The following CTNNA3 variants were observed in gnomAD, a reference collection of about 807,000 sequenced individuals.
CTNNA3 encodes the protein catenin alpha 3.
A neutral mutation model predicts 95.7 loss-of-function variants in CTNNA3; 76 were observed. The observed-to-expected ratio is 0.79, with a 90% CI of 0.66 to 0.96. The LOEUF (loss-of-function observed/expected upper bound fraction) is 0.96, where lower values mean the gene tolerates loss of function less well. Among genes scored for constraint, CTNNA3 ranks in the 40% least tolerant of loss-of-function variants. CTNNA3 has a pLI of 0.00. For synonymous variants in CTNNA3, 431 were observed against 374.4 expected (o/e 1.15, Z -1.74); for missense variants, 1,191 against 1,089.8 (o/e 1.09, Z -1.31).
At chr10:66,113,621 T>A (rs1256449504) in intron 13 of CTNNA3, among the ~76,000 whole-genome samples, 1 of 152,198 alleles carries the variant, frequency 6.6e-6, no homozygotes, top group East Asian at 1.9e-4. Context: ...ATTGGACTAA[T>A]TATTTATAAA....
intron 6 of CTNNA3, among the ~76,000 whole-genome samples, chr10:67,185,943 CG>C (rs1862822936): frequency 6.6e-6 from 1 of 150,564 alleles, no homozygotes; most frequent in African/African-American, 2.4e-5. Flanking sequence ...TTGCTTGAAC[CG>C]GGACCCAGGA....
At chr10:66,707,957 T>C (rs1316557951) in intron 9 of CTNNA3, among the ~76,000 whole-genome samples, 2 of 152,190 alleles carry the variant, frequency 1.3e-5, no homozygotes, top group South Asian at 2.1e-4. Flanking sequence ...TCAGTCATAA[T>C]TGGTAGGAAA....
chr10:66,983,246 A>G (rs1368103989), intron 7 of CTNNA3, among the ~76,000 whole-genome samples: 1 of 152,102 alleles, frequency 6.6e-6, no homozygotes, highest in African/African-American at 2.4e-5. Flanking sequence ...ATTTCATTCC[A>G]TCCTAGCCCC....
intron 3 of CTNNA3, among the ~76,000 whole-genome samples, chr10:67,602,274 C>A (rs1843107537): frequency 6.6e-6 from 1 of 151,760 alleles, no homozygotes; most frequent in Non-Finnish European, 1.5e-5. Context: ...AGAATCCATT[C>A]TTCTTATACT....
intron 10 of CTNNA3, among the ~76,000 whole-genome samples, chr10:66,618,405 T>C (rs10822853): frequency 0.76 from 115,223 of 151,706 alleles, 44,846 homozygotes; most frequent in African/African-American, 0.91. Context: ...GAAATAACGC[T>C]GCATATCTAT....
chr10:67,556,057 T>A (rs183237688), intron 3 of CTNNA3, among the ~76,000 whole-genome samples: 222 of 152,362 alleles, frequency 1.5e-3, no homozygotes, highest in African/African-American at 5.1e-3. Context: ...GGATTACATT[T>A]ATTGATTTGT....
chr10:65,983,467 T>A (rs1316865598), intron 16 of CTNNA3, among the ~76,000 whole-genome samples: 2 of 151,552 alleles, frequency 1.3e-5, no homozygotes, highest in African/African-American at 4.8e-5. Flanking sequence ...TTAATTACAA[T>A]GTAGAGTACA....
intron 10 of CTNNA3, among the ~76,000 whole-genome samples, chr10:66,532,786 T>TA (rs1841515827): frequency 6.6e-6 from 1 of 152,204 alleles, no homozygotes; most frequent in African/African-American, 2.4e-5. Flanking sequence ...TGCAAGGGCA[T>TA]GTTAAGAAAA....
chr10:66,696,970 G>C (rs1343986798), intron 9 of CTNNA3, among the ~76,000 whole-genome samples: 1 of 151,740 alleles, frequency 6.6e-6, no homozygotes, highest in East Asian at 1.9e-4. Flanking sequence ...TTCTCTATGG[G>C]CCAGATTTCT....
chr10:67,297,136 A>C (rs2132484962), intron 5 of CTNNA3, among the ~76,000 whole-genome samples: 1 of 152,150 alleles, frequency 6.6e-6, no homozygotes, highest in African/African-American at 2.4e-5. Flanking sequence ...AGCTGGAAAA[A>C]GTTGACTGAC....
chr10:66,127,097 C>A (rs886526947), intron 13 of CTNNA3, among the ~76,000 whole-genome samples: 10 of 151,758 alleles, frequency 6.6e-5, no homozygotes, highest in African/African-American at 2.4e-4. Context: ...CGGTGAAACC[C>A]CGTCTCTACC....
At chr10:66,022,207 T>C (rs1369433190) in intron 15 of CTNNA3, among the ~76,000 whole-genome samples, 1 of 152,178 alleles carries the variant, frequency 6.6e-6, no homozygotes, top group African/African-American at 2.4e-5. Flanking sequence ...ACTTTGAATT[T>C]CCTTGGACTA....
At chr10:67,727,141 C>A (rs1289177446) in intron 1 of CTNNA3, among the ~76,000 whole-genome samples, 2 of 116,896 alleles carry the variant, frequency 1.7e-5, no homozygotes, top group African/African-American at 6.7e-5. Flanking sequence ...ATATATGATA[C>A]ATATATTATA....
chr10:66,691,964 A>C (rs965934382), intron 9 of CTNNA3, among the ~76,000 whole-genome samples: 1 of 152,186 alleles, frequency 6.6e-6, no homozygotes, highest in Non-Finnish European at 1.5e-5. Flanking sequence ...CCATCTGTAC[A>C]TCGCCATCAT....
At chr10:67,548,758 G>A (rs1840922602) in intron 3 of CTNNA3, among the ~76,000 whole-genome samples, 1 of 151,412 alleles carries the variant, frequency 6.6e-6, no homozygotes, top group African/African-American at 2.4e-5. Flanking sequence ...TGATGAACTG[G>A]ACAATCAAAA....
chr10:66,615,076 C>T (rs1844462780), intron 10 of CTNNA3, among the ~76,000 whole-genome samples: 1 of 151,968 alleles, frequency 6.6e-6, no homozygotes, highest in African/African-American at 2.4e-5. Flanking sequence ...TGATAGCTCA[C>T]TATGGCTTAA....
chr10:67,673,091 G>C (rs1236363853), intron 1 of CTNNA3, among the ~76,000 whole-genome samples: 1 of 151,974 alleles, frequency 6.6e-6, no homozygotes, highest in Non-Finnish European at 1.5e-5. Context: ...TTGTAAGTTG[G>C]ATTCCCAGGT....
intron 5 of CTNNA3, among the ~76,000 whole-genome samples, chr10:67,434,781 C>T (rs1228984138): frequency 6.6e-6 from 1 of 151,924 alleles, no homozygotes; most frequent in African/African-American, 2.4e-5. Flanking sequence ...TGATAAGGAA[C>T]CTGAGTTTGA....
At chr10:66,674,082 T>C (rs982394564) in intron 9 of CTNNA3, among the ~76,000 whole-genome samples, 5 of 152,018 alleles carry the variant, frequency 3.3e-5, no homozygotes, top group Admixed American at 3.3e-4. Context: ...CCTGTGACTA[T>C]TGTTTCTCCT....
Sources: gnomAD v4.1 joint callset for allele counts (sites outside exome capture counted in the v4.1 genomes callset) on GRCh38, gnomAD v4.1.1 for gene constraint, MANE v1.5 for transcripts, NCBI Gene and HGNC (gene_info 2026-07-23, HGNC 2026-07-21) for gene names.